The following HNF4G variants were observed in gnomAD, a reference collection of about 807,000 sequenced individuals.
HNF4G encodes hepatocyte nuclear factor 4-gamma.
HNF4G carries 21 observed loss-of-function variants against 50.9 expected under a neutral mutation model. The observed-to-expected ratio is 0.41, with a 90% confidence interval of 0.29 to 0.59. The LOEUF (loss-of-function observed/expected upper bound fraction) is 0.59, where lower values mean the gene tolerates loss of function less well. Among genes scored for constraint, HNF4G ranks in the 20% least tolerant of loss-of-function variants. The pLI is 0.26. For missense variants in HNF4G, 527 were observed against 559.4 expected (o/e 0.94, Z 0.58); for synonymous variants, 198 against 185.6 (o/e 1.07, Z -0.54).
chr8:75,434,002 CTTTTTTT>C (rs139429237), intron 1 of HNF4G, among the ~76,000 whole-genome samples: 1 of 123,280 alleles, frequency 8.1e-6, no homozygotes, highest in Non-Finnish European at 1.7e-5. Flanking sequence ...TGTTTCTTTT[CTTTTTTT>C]TTTTTTTTTT....
chr8:75,480,423 C>T lies in HNF4G; in HGVS notation c.-143-9666C>T, dbSNP rs1812349469. ...TCTTCTCTCTGATACTTAGTTTGAA[C>T]TTTAAAAATAATTTTTATCAGTGAA... On this transcript the variant is annotated intron_variant, in intron 1 of 10. Coordinates refer to the HNF4G transcript ENST00000354370. Among the ~76,000 whole-genome samples the T allele has an allele frequency of 2.0e-5, 3 of 152,192 alleles. No homozygotes were observed. In the South Asian group the frequency reaches 6.2e-4, roughly 32 times the overall value.
intron 2 of HNF4G, among the ~76,000 whole-genome samples, chr8:75,525,342 G>A (rs1806149842): frequency 6.6e-6 from 1 of 152,072 alleles, no homozygotes; most frequent in African/African-American, 2.4e-5. Flanking sequence ...CTAATTTTTT[G>A]TATTTTTAGT....
intron 1 of HNF4G, among the ~76,000 whole-genome samples, chr8:75,415,685 G>A (rs2980248): frequency 0.49 from 73,912 of 151,958 alleles, 18,228 homozygotes; most frequent in Middle Eastern, 0.56. Context: ...ATGTGAAGGC[G>A]CAGAGACTCG....
chr8:75,549,545 CTT>C (rs1168270051), intron 3 of HNF4G, among the ~76,000 whole-genome samples: 1 of 147,324 alleles, frequency 6.8e-6, no homozygotes, highest in Non-Finnish European at 1.5e-5. Context: ...AAAACTCACT[CTT>C]TCTTTTTTTT....
chr8:75,556,127 T>A, intron 6 of HNF4G, 58 bp downstream of exon 6: 4 of 915,368 alleles, frequency 4.4e-6, no homozygotes, highest in Non-Finnish European at 6.8e-6. Context: ...CTTGCAATAT[T>A]ATACAGGGTC....
intron 2 of HNF4G, among the ~76,000 whole-genome samples, chr8:75,547,297 T>C (rs901747076): frequency 2.0e-5 from 3 of 152,206 alleles, no homozygotes; most frequent in Non-Finnish European, 2.9e-5. Flanking sequence ...GCCAAAGATA[T>C]TCAAAACTAG....
At chr8:75,441,823 C>T (rs919119404) in intron 1 of HNF4G, among the ~76,000 whole-genome samples, 2 of 152,188 alleles carry the variant, frequency 1.3e-5, no homozygotes. Context: ...ACAGACCACA[C>T]ATTGATTTTT....
At chr8:75,410,081 T>A (rs1032863726) in intron 1 of HNF4G, among the ~76,000 whole-genome samples, 9 of 152,314 alleles carry the variant, frequency 5.9e-5, no homozygotes, top group East Asian at 3.9e-4. Flanking sequence ...GATTTTTTTT[T>A]AAATGTGTCT....
intron 2 of HNF4G, among the ~76,000 whole-genome samples, chr8:75,530,887 G>A (rs1357754272): frequency 6.7e-6 from 1 of 149,750 alleles, no homozygotes; most frequent in African/African-American, 2.5e-5. Flanking sequence ...CTGCCTCCTG[G>A]GTTCGAGTGA....
At chr8:75,521,606 C>G (rs1806043317) in intron 2 of HNF4G, among the ~76,000 whole-genome samples, 1 of 152,082 alleles carries the variant, frequency 6.6e-6, no homozygotes, top group Admixed American at 6.6e-5. Context: ...GCAGTTTCAG[C>G]CAGTTGAAGC....
chr8:75,459,789 A>C (rs1811802721), intron 1 of HNF4G, among the ~76,000 whole-genome samples: 1 of 152,212 alleles, frequency 6.6e-6, no homozygotes, highest in Non-Finnish European at 1.5e-5. Flanking sequence ...ACTTGTCTTC[A>C]GAATGCTAGC....
intron 2 of HNF4G, among the ~76,000 whole-genome samples, chr8:75,515,170 T>C (rs866376433): frequency 1.3e-5 from 2 of 152,230 alleles, no homozygotes; most frequent in Admixed American, 6.5e-5. Flanking sequence ...TAACACCTGA[T>C]TGATATTCTC....
At chr8:75,474,299 T>G (rs1342065980) in intron 1 of HNF4G, among the ~76,000 whole-genome samples, 3 of 152,222 alleles carry the variant, frequency 2.0e-5, no homozygotes, top group African/African-American at 7.2e-5. Flanking sequence ...TTTGTGTTAG[T>G]AACAAGAGAC....
chr8:75,514,190 A>C (rs1486559018), intron 2 of HNF4G, among the ~76,000 whole-genome samples: 3 of 152,100 alleles, frequency 2.0e-5, no homozygotes, highest in Middle Eastern at 3.4e-3. Context: ...TTACCATTAC[A>C]TAGTGATTCT....
chr8:75,417,242 C>T (rs1464451411), intron 1 of HNF4G, among the ~76,000 whole-genome samples: 1 of 152,182 alleles, frequency 6.6e-6, no homozygotes, highest in African/African-American at 2.4e-5. Flanking sequence ...CTCACTGTAG[C>T]CTCAAACTCC....
chr8:75,492,506 A>G (rs563387046), intron 2 of HNF4G, among the ~76,000 whole-genome samples: 1 of 152,308 alleles, frequency 6.6e-6, no homozygotes, highest in South Asian at 2.1e-4. Context: ...ATGTTTGCAC[A>G]TTTCACATAT....
chr8:75,409,045 C>T (rs911873734), intron 1 of HNF4G, among the ~76,000 whole-genome samples: 1 of 152,168 alleles, frequency 6.6e-6, no homozygotes, highest in Non-Finnish European at 1.5e-5. Context: ...ACCACCACTC[C>T]CTCTCTTTTC....
At chr8:75,413,087 T>C (rs1428614183) in intron 1 of HNF4G, among the ~76,000 whole-genome samples, 1 of 151,634 alleles carries the variant, frequency 6.6e-6, no homozygotes, top group Non-Finnish European at 1.5e-5. Flanking sequence ...GCAGTAGGAA[T>C]AGTAGCAAGA....
chr8:75,553,080 C>T lies in HNF4G; in HGVS notation c.528C>T (p.Asn176=), dbSNP rs765915036. The T allele has an allele frequency of 3.1e-6, 5 of 1,611,980 alleles. No individual in the cohort carries two copies. In the Admixed American group the frequency reaches 6.7e-5, roughly 22 times the overall value. ...GCCCTGGGTCAAGCACTGACATAAA[C>T]GTTAAGAAAATTGCAAGTATTGGTG... ...VSSPGSSTDI[N]VKKIASIGDV... is the part of the protein sequence containing the mutation. Residue 176 remains asparagine, a synonymous_variant, in exon 5 of 10, where the codon AAC becomes AAT. Transcript: ENST00000396423.
Sources: allele counts gnomAD v4.1 joint callset (sites outside exome capture counted in the v4.1 genomes callset), GRCh38; gene constraint gnomAD v4.1.1; transcripts MANE v1.5; gene names NCBI Gene and HGNC (gene_info 2026-07-23, HGNC 2026-07-21).